The following LIPI variants were observed in gnomAD, a reference collection of about 807,000 sequenced individuals.
LIPI encodes the protein lipase I, also known as lipase member I.
In LIPI, 59 loss-of-function variants were observed where a neutral mutation model predicts 50.6. That is an observed-to-expected ratio of 1.16 (90% CI 0.94 to 1.45). The LOEUF (loss-of-function observed/expected upper bound fraction) is 1.45. Ranked by LOEUF, LIPI falls within the 40% of genes most tolerant of loss-of-function variation. The pLI is 0.00. For missense variants in LIPI, 586 were observed against 536.3 expected (o/e 1.09, Z -0.92); for synonymous variants, 203 against 178.2 (o/e 1.14, Z -1.11).
chr21:14,168,909 C>A (rs1348971686), intron 4 of LIPI, among the ~76,000 whole-genome samples: 1 of 151,430 alleles, frequency 6.6e-6, no homozygotes, highest in Non-Finnish European at 1.5e-5. Flanking sequence ...TTAAAAGACA[C>A]AGACTGGCAA....
intron 7 of LIPI, among the ~76,000 whole-genome samples, chr21:14,152,901 T>G (rs2018148872): frequency 6.6e-6 from 1 of 152,152 alleles, no homozygotes; most frequent in Non-Finnish European, 1.5e-5. Context: ...ACATGAGAGA[T>G]GAAAAAGCCT....
intron 2 of LIPI, 102 bp downstream of exon 2, chr21:14,188,932 G>T: frequency 9.9e-7 from 1 of 1,011,410 alleles, no homozygotes; most frequent in Non-Finnish European, 1.5e-6. Context: ...AAAGTATATA[G>T]TTTATTATCA....
At chr21:14,181,459 A>C (rs1397162633) in intron 4 of LIPI, among the ~76,000 whole-genome samples, 1 of 152,114 alleles carries the variant, frequency 6.6e-6, no homozygotes, top group East Asian at 1.9e-4. Flanking sequence ...TGATCAAATC[A>C]ATAAAATTGT....
chr21:14,124,714 C>G (rs2016990868), intron 9 of LIPI, among the ~76,000 whole-genome samples: 1 of 152,218 alleles, frequency 6.6e-6, no homozygotes, highest in African/African-American at 2.4e-5. Flanking sequence ...TCAGACTTTT[C>G]TGGACACTAG....
chr21:14,143,852 CG>C (rs2017804362), intron 9 of LIPI: 1 of 154,352 alleles, frequency 6.5e-6, no homozygotes, highest in African/African-American at 2.4e-5. Flanking sequence ...ATTGTGAGGA[CG>C]TAGAACTGAG....
chr21:14,167,041 C>A (rs546890501), intron 4 of LIPI, among the ~76,000 whole-genome samples: 65 of 152,342 alleles, frequency 4.3e-4, no homozygotes, highest in African/African-American at 1.4e-3. Flanking sequence ...GCTTAAAAAA[C>A]GGCCCACCAG....
chr21:14,187,841 T>G (rs1026065191), intron 2 of LIPI, among the ~76,000 whole-genome samples: 1 of 152,304 alleles, frequency 6.6e-6, no homozygotes, highest in East Asian at 1.9e-4. Flanking sequence ...TGTAACATGT[T>G]GTTATTCTAT....
chr21:14,109,987 A>C (rs1481560231), intron 9 of LIPI, among the ~76,000 whole-genome samples: 3 of 151,966 alleles, frequency 2.0e-5, no homozygotes, highest in Admixed American at 6.6e-5. Context: ...TGAATTACCA[A>C]GGGAAAAGAA....
At chr21:14,136,566 T>C (rs898679541) in intron 9 of LIPI, among the ~76,000 whole-genome samples, 1 of 152,114 alleles carries the variant, frequency 6.6e-6, no homozygotes, top group Non-Finnish European at 1.5e-5. Context: ...GAATACCAGG[T>C]AGACTTCTAA....
At chr21:14,158,633 A>C (rs1054098743) in intron 7 of LIPI, among the ~76,000 whole-genome samples, 1 of 148,618 alleles carries the variant, frequency 6.7e-6, no homozygotes, top group Non-Finnish European at 1.5e-5. Flanking sequence ...GTAGAAATAT[A>C]TATATAGAGA....
At chr21:14,151,940 G>A (rs1014022340) in intron 8 of LIPI, among the ~76,000 whole-genome samples, 7 of 151,958 alleles carry the variant, frequency 4.6e-5, no homozygotes, top group African/African-American at 7.2e-5. Context: ...ATTTAAAGAA[G>A]TCACATCACT....
intron 2 of LIPI, among the ~76,000 whole-genome samples, chr21:14,188,041 C>G (rs2019517311): frequency 6.6e-6 from 1 of 152,134 alleles, no homozygotes. Context: ...CAACACAACT[C>G]AAGTTTAAAT....
In LIPI at chr21:14,124,855, G is replaced by A. The variant is rs1438326661; in HGVS notation, c.1296-15775C>T. Among the ~76,000 whole-genome samples the A allele has an allele frequency of 4.6e-5, 7 of 152,274 alleles. No homozygotes were observed. The South Asian group carries it at 1.2e-3, about 27-fold the overall frequency. ...AAAATACAAAAATTAGCCAGGCGTG[G>A]TGGCACGCACATGCCTGTAATCCCA... On this transcript the variant is annotated intron_variant, in intron 9 of 9. Transcript: ENST00000681601.
At chr21:14,116,923 C>T (rs2016667916) in intron 9 of LIPI, among the ~76,000 whole-genome samples, 1 of 152,192 alleles carries the variant, frequency 6.6e-6, no homozygotes, top group African/African-American at 2.4e-5. Context: ...ACTCCATCCC[C>T]TTATGTTCTA....
At position 14,181,848 on chromosome 21, in the gene LIPI, C is replaced by T. The variant is rs538729927; in HGVS notation, c.553G>A (p.Ala185Thr). 1.2e-6 allele frequency: 2 copies of T among 1,606,014 alleles called. No individual in the cohort carries two copies. Among genetic ancestry groups the T allele is most frequent in the South Asian group, 2.2e-5 (2 of 90,752 alleles). The stretch of plus-strand genomic sequence containing the variant: ...GGTTTTCTGGAGAACCTTGGCCCAG[C>T]AGGGTCAAGACCTGGAAAGCAAGAA... The part of the protein sequence containing the change: ...QLGRITGLDP[A>T]GPRFSRKPPY... Residue 185 changes from alanine (A) to threonine (T), a missense_variant, in exon 4 of 10, where the codon GCT becomes ACT. Coordinates refer to ENST00000681601, the MANE Select transcript of LIPI (RefSeq NM_001302998.2).
At chr21:14,127,844 T>C (rs183862942) in intron 9 of LIPI, among the ~76,000 whole-genome samples, 2 of 152,256 alleles carry the variant, frequency 1.3e-5, no homozygotes, top group African/African-American at 4.8e-5. Context: ...CTTCTAAGCA[T>C]ATATAAAAAT....
chr21:14,121,158 A>G (rs1488094147), intron 9 of LIPI, among the ~76,000 whole-genome samples: 2 of 152,218 alleles, frequency 1.3e-5, no homozygotes, highest in Non-Finnish European at 2.9e-5. Context: ...TAGATTTAGA[A>G]TGCCTCTACC....
intron 7 of LIPI, among the ~76,000 whole-genome samples, chr21:14,162,104 T>C (rs1177811659): frequency 6.7e-6 from 1 of 150,254 alleles, no homozygotes. Flanking sequence ...TTGATATATA[T>C]ATCATATCTC....
At chr21:14,144,975 C>T (rs1025029523) in intron 8 of LIPI, among the ~76,000 whole-genome samples, 176 bp from the exon 9 acceptor site, 13 of 151,798 alleles carry the variant, frequency 8.6e-5, no homozygotes, top group Admixed American at 8.5e-4. Context: ...TATAACAGAA[C>T]AAAATAATAA....
Sources: gnomAD v4.1 joint callset for allele counts (sites outside exome capture counted in the v4.1 genomes callset) on GRCh38, gnomAD v4.1.1 for gene constraint, MANE v1.5 for transcripts, NCBI Gene and HGNC (gene_info 2026-07-23, HGNC 2026-07-21) for gene names.